DYNC2H1: variants seen among roughly 807,000 people sequenced by gnomAD.
DYNC2H1 encodes cytoplasmic dynein 2 heavy chain 1.
DYNC2H1 carries 410 observed loss-of-function variants against 570.0 expected under a neutral mutation model. The ratio of observed to expected loss-of-function variants is 0.72; its 90% CI spans 0.66 to 0.78. The LOEUF (loss-of-function observed/expected upper bound fraction) is 0.78. Ranked by LOEUF, DYNC2H1 falls within the 30% of genes least tolerant of loss-of-function variation. The pLI, the probability that DYNC2H1 is intolerant of heterozygous loss-of-function variation, is 0.00. For missense variants in DYNC2H1, 4,865 were observed against 5,046.4 expected, an observed-to-expected ratio of 0.96 and a Z score of 1.09; for synonymous variants, 1,688 against 1,677.6, an observed-to-expected ratio of 1.01 and a Z score of -0.15.
Position 103,188,468 on chromosome 11 carries a change from A to G in DYNC2H1, c.7141-29A>G, listed in dbSNP as rs1259851485. The G allele has an allele frequency of 3.4e-6, 5 of 1,471,954 alleles. No individual in the cohort carries two copies. In the East Asian group the frequency reaches 1.2e-4, roughly 34 times the overall value. 91.2% of individuals were successfully genotyped at this position (1,471,954 alleles called of 1,614,324 possible). On this transcript the variant is annotated intron_variant, in intron 43 of 88. Coordinates refer to ENST00000375735, the MANE Select transcript of DYNC2H1 (RefSeq NM_001377.3). The stretch of plus-strand genomic sequence containing the variant: ...ATGATTAGGAAATCTTAGATAAAAA[A>G]CGTTTAAAATATATTTATTTTCAAA...
At chr11:103,113,970 T>C (rs1858244554) in intron 2 of DYNC2H1, 133 bp from the exon 3 acceptor site, 2 of 1,118,894 alleles carry the variant, frequency 1.8e-6, no homozygotes, top group East Asian at 5.2e-5. Context: ...TTGAGAGGAC[T>C]TTTTATTCTT....
chr11:103,384,125 C>G (rs930385238), intron 83 of DYNC2H1, among the ~76,000 whole-genome samples: 1 of 152,118 alleles, frequency 6.6e-6, no homozygotes, highest in Non-Finnish European at 1.5e-5. Flanking sequence ...CTGCTGTCCT[C>G]CCATTTTATC....
chr11:103,243,781 T>C lies in DYNC2H1; in HGVS notation c.9908T>C (p.Ile3303Thr), dbSNP rs1864508827. ...TTGAAAGACTCACGTTTAGAAGTTATCAATCAGCAGGTATGTATTATTTAT... is the reference window on the plus strand; with the variant it reads ...TTGAAAGACTCACGTTTAGAAGTTACCAATCAGCAGGTATGTATTATTTAT... Reference protein sequence around the residue: ...THLKDSRLEVINQQDSNFITA... With the variant: ...THLKDSRLEVTNQQDSNFITA... The change falls in exon 64 of 89, where the codon ATC becomes ACC. Residue 3303 changes from isoleucine to threonine, a missense_variant. Physicochemically the swap from Ile to Thr is moderately conservative, Grantham distance 89. Coordinates refer to ENST00000375735, the MANE Select transcript of DYNC2H1 (RefSeq NM_001377.3). The surrounding 1 kb of genome is among the most constrained non-coding windows in gnomAD (Gnocchi z 4.8). The C allele has an allele frequency of 1.9e-6, 3 of 1,588,620 alleles. No homozygotes were observed. The highest frequency in any genetic ancestry group is 2.6e-6 in the Non-Finnish European group (3 of 1,165,684).
At chr11:103,161,106 T>A in intron 29 of DYNC2H1, 62 bp downstream of exon 29, 1 of 933,056 alleles carries the variant, frequency 1.1e-6, no homozygotes, top group Non-Finnish European at 1.5e-6. Flanking sequence ...ACTTTGTGTC[T>A]AAAATAATTT....
chr11:103,287,831 C>T (rs1212414131), intron 75 of DYNC2H1: 3 of 429,372 alleles, frequency 7.0e-6, no homozygotes, highest in East Asian at 3.8e-5. Context: ...GCTGCCTAGA[C>T]AGAGCTGATT....
chr11:103,394,895 TGA>T (rs1452665484), intron 83 of DYNC2H1, among the ~76,000 whole-genome samples: 1 of 152,008 alleles, frequency 6.6e-6, no homozygotes, highest in African/African-American at 2.4e-5. Context: ...AGCTATCCTG[TGA>T]AATGGGTGGC....
At chr11:103,361,317 T>G (rs2408589) in intron 83 of DYNC2H1, among the ~76,000 whole-genome samples, 4 of 152,164 alleles carry the variant, frequency 2.6e-5, no homozygotes, top group African/African-American at 9.7e-5. Context: ...GTGAGGACAC[T>G]TCAAAAAGAC....
intron 70 of DYNC2H1, among the ~76,000 whole-genome samples, chr11:103,260,648 C>T (rs542984414): frequency 7.0e-6 from 1 of 142,660 alleles, no homozygotes; most frequent in African/African-American, 2.7e-5. Flanking sequence ...GAGACAGAGT[C>T]TCTCTCTGTT....
chr11:103,326,660 A>T lies in DYNC2H1; in HGVS notation c.12039+2670A>T, dbSNP rs1489000622. On this transcript the variant is annotated intron_variant, in intron 82 of 88. Transcript: ENST00000375735. This position sits in a 1 kb window ranked among gnomAD's most constrained non-coding sequence, Gnocchi z 6.1. Reference sequence around the variant, plus strand: ...CTTGGAAAATACTCAGATAGTGCGGAGCACTCAGGCAGGGCTGTGGAGGCT... The same window carrying T: ...CTTGGAAAATACTCAGATAGTGCGGTGCACTCAGGCAGGGCTGTGGAGGCT... Among the ~76,000 whole-genome samples, 1 of 152,176 alleles carries T rather than the reference A, an allele frequency of 6.6e-6. No individual in the cohort carries two copies. The highest frequency in any genetic ancestry group is 1.5e-5 in the Non-Finnish European group (1 of 68,032).
At chr11:103,389,468 C>T (rs7937014) in intron 83 of DYNC2H1, among the ~76,000 whole-genome samples, 101,870 of 151,704 alleles carry the variant, frequency 0.67, 34,322 homozygotes, top group Admixed American at 0.73. Context: ...TCATTGATTT[C>T]TTGAAGGGTT....
intron 83 of DYNC2H1, among the ~76,000 whole-genome samples, chr11:103,382,817 A>G (rs1011173056): frequency 2.3e-4 from 35 of 152,314 alleles, no homozygotes; most frequent in East Asian, 3.9e-4. Context: ...AAATTATGTC[A>G]TTTACTTACA....
chr11:103,229,907 G>C (rs1234092831), intron 59 of DYNC2H1, among the ~76,000 whole-genome samples: 1 of 152,098 alleles, frequency 6.6e-6, no homozygotes, highest in African/African-American at 2.4e-5. Flanking sequence ...TCACAATTTT[G>C]AAGGCCTTAT....
chr11:103,253,733 C>T (rs1182713290), intron 66 of DYNC2H1, among the ~76,000 whole-genome samples: 4 of 152,074 alleles, frequency 2.6e-5, no homozygotes, highest in South Asian at 4.2e-4. Context: ...ATTGATGGAT[C>T]GTAAAGATCA....
chr11:103,425,127 T>C (rs571178137), intron 84 of DYNC2H1, among the ~76,000 whole-genome samples: 7 of 152,186 alleles, frequency 4.6e-5, no homozygotes, highest in Non-Finnish European at 1.0e-4. Context: ...GTAGAGATGA[T>C]AGGTACTCAC....
At chr11:103,374,573 G>A (rs1275780151) in intron 83 of DYNC2H1, among the ~76,000 whole-genome samples, 6 of 152,116 alleles carry the variant, frequency 3.9e-5, no homozygotes, top group African/African-American at 1.2e-4. Flanking sequence ...CTTGTTGAAC[G>A]GCTTTGACCA....
intron 83 of DYNC2H1, among the ~76,000 whole-genome samples, chr11:103,379,900 A>G (rs1941567208): frequency 6.6e-6 from 1 of 152,214 alleles, no homozygotes; most frequent in African/African-American, 2.4e-5. Context: ...TAATTTCCAT[A>G]AAAGTTATGT....
chr11:103,246,983 T>C (rs555602551), intron 65 of DYNC2H1, among the ~76,000 whole-genome samples: 28 of 151,950 alleles, frequency 1.8e-4, no homozygotes, highest in African/African-American at 6.5e-4. Flanking sequence ...AAATTCTCTT[T>C]TTCTCTCTCT....
chr11:103,286,039 A>C (rs752770229), intron 73 of DYNC2H1, among the ~76,000 whole-genome samples: 1 of 152,234 alleles, frequency 6.6e-6, no homozygotes, highest in African/African-American at 2.4e-5. Flanking sequence ...GTACTGATTT[A>C]GTACTACTTT....
chr11:103,315,726 C>T (rs11225705), intron 79 of DYNC2H1, among the ~76,000 whole-genome samples: 4 of 151,702 alleles, frequency 2.6e-5, no homozygotes, highest in Non-Finnish European at 2.9e-5. Flanking sequence ...AAGTTATTAT[C>T]ATTTTACAGT....
Sources: gnomAD v4.1 joint callset for allele counts (sites outside exome capture counted in the v4.1 genomes callset) on GRCh38, gnomAD v4.1.1 for gene constraint, Gnocchi (gnomAD v3.1) non-coding constraint, MANE v1.5 for transcripts, NCBI Gene and HGNC (gene_info 2026-07-23, HGNC 2026-07-21) for gene names.